AFG2A: variants seen among roughly 807,000 people sequenced by gnomAD.
The protein encoded by AFG2A is ATPase family gene 2 protein homolog A.
At chr4:123,187,046 G>T in the AFG2A span, among the ~76,000 whole-genome samples, 2 of 152,116 alleles carry the variant, frequency 1.3e-5, no homozygotes, top group South Asian at 2.1e-4. Flanking sequence ...AAAGGGAAAG[G>T]CTTGGGAAAA....
At chr4:123,042,555 A>AG in the AFG2A span, among the ~76,000 whole-genome samples, 2 of 152,192 alleles carry the variant, frequency 1.3e-5, no homozygotes, top group African/African-American at 4.8e-5. Context: ...CGTTTTCATC[A>AG]GGCATGTTTC....
the AFG2A span, among the ~76,000 whole-genome samples, chr4:123,273,259 GTATAA>G: frequency 6.6e-6 from 1 of 152,020 alleles, no homozygotes; most frequent in African/African-American, 2.4e-5. Flanking sequence ...ATTATGCGTA[GTATAA>G]TATATAGAAA....
the AFG2A span, among the ~76,000 whole-genome samples, chr4:123,264,785 C>G: frequency 6.6e-6 from 1 of 152,070 alleles, no homozygotes; most frequent in Admixed American, 6.6e-5. Flanking sequence ...ATTTGTAGAA[C>G]TCACTTTCAT....
the AFG2A span, among the ~76,000 whole-genome samples, chr4:123,077,046 G>GT: frequency 3.1e-3 from 339 of 108,536 alleles, 3 homozygotes; most frequent in African/African-American, 5.7e-3. Flanking sequence ...TCCTGTTGTT[G>GT]TTTTTTTTTT....
the AFG2A span, among the ~76,000 whole-genome samples, chr4:122,981,335 C>T: frequency 2.9e-5 from 4 of 137,466 alleles, no homozygotes; most frequent in African/African-American, 5.2e-5. Context: ...ACTGTACATG[C>T]GTGGATTTAT....
the AFG2A span, among the ~76,000 whole-genome samples, chr4:123,160,980 G>T: frequency 6.6e-6 from 1 of 152,206 alleles, no homozygotes; most frequent in South Asian, 2.1e-4. Flanking sequence ...ATTTCTTATT[G>T]TACTATACTC....
At chr4:123,145,072 T>A in the AFG2A span, among the ~76,000 whole-genome samples, 3 of 152,112 alleles carry the variant, frequency 2.0e-5, no homozygotes, top group East Asian at 5.8e-4. Context: ...AATTGGAAGC[T>A]TCTAAAAGGC....
the AFG2A span, among the ~76,000 whole-genome samples, chr4:123,244,912 CA>C: frequency 6.6e-6 from 1 of 152,064 alleles, no homozygotes; most frequent in Non-Finnish European, 1.5e-5. Flanking sequence ...TATGGTTCAG[CA>C]GGGGCATTAG....
chr4:123,059,777 A>C, the AFG2A span, among the ~76,000 whole-genome samples: 2 of 151,854 alleles, frequency 1.3e-5, no homozygotes, highest in East Asian at 1.9e-4. Flanking sequence ...CCAACAGTGT[A>C]AAAGTGTTCC....
the AFG2A span, among the ~76,000 whole-genome samples, chr4:123,167,125 ATAAT>A: frequency 3.3e-5 from 5 of 150,836 alleles, no homozygotes; most frequent in East Asian, 9.7e-4. Context: ...AATAAGATGA[ATAAT>A]TAATATAACT....
chr4:123,199,082 G>A, the AFG2A span, among the ~76,000 whole-genome samples: 1 of 152,138 alleles, frequency 6.6e-6, no homozygotes, highest in Admixed American at 6.5e-5. Flanking sequence ...CTAAGTCCAA[G>A]TGTACAGAAT....
At chr4:123,013,970 A>G in the AFG2A span, among the ~76,000 whole-genome samples, 1 of 152,242 alleles carries the variant, frequency 6.6e-6, no homozygotes, top group African/African-American at 2.4e-5. Flanking sequence ...CATTTTTACT[A>G]TTAAAAATGA....
chr4:123,014,965 G>C, the AFG2A span, among the ~76,000 whole-genome samples: 1 of 152,056 alleles, frequency 6.6e-6, no homozygotes, highest in Admixed American at 6.5e-5. Context: ...GAAATTGTTA[G>C]ATGTTTTCAA....
chr4:122,936,241 A>T, the AFG2A span: 1 of 906,832 alleles, frequency 1.1e-6, no homozygotes, highest in Non-Finnish European at 1.6e-6. Flanking sequence ...TACAAAGCAT[A>T]AACAGTAGTA....
chr4:123,079,830 ACCT>A, the AFG2A span, among the ~76,000 whole-genome samples: 1 of 141,746 alleles, frequency 7.1e-6, no homozygotes, highest in African/African-American at 2.7e-5. Flanking sequence ...GCTCACTGCA[ACCT>A]CCGCTTCCTG....
the AFG2A span, among the ~76,000 whole-genome samples, chr4:122,926,601 T>G: frequency 1.1e-4 from 17 of 152,364 alleles, no homozygotes; most frequent in Middle Eastern, 3.4e-3. Flanking sequence ...GGTTTTCCTT[T>G]CCTTGATTTA....
At chr4:123,025,064 GAC>G in the AFG2A span, among the ~76,000 whole-genome samples, 1 of 152,198 alleles carries the variant, frequency 6.6e-6, no homozygotes, top group African/African-American at 2.4e-5. Flanking sequence ...GACAACCAGA[GAC>G]AACAGCAATT....
chr4:123,087,862 T>C, the AFG2A span, among the ~76,000 whole-genome samples: 1 of 152,214 alleles, frequency 6.6e-6, no homozygotes, highest in Non-Finnish European at 1.5e-5. Flanking sequence ...TTCAGTTTGT[T>C]CAGCTTTTTA....
At chr4:123,118,339 T>TATAATATA in the AFG2A span, among the ~76,000 whole-genome samples, 3 of 94,862 alleles carry the variant, frequency 3.2e-5, no homozygotes, top group South Asian at 4.4e-4. Context: ...AATATATATA[T>TATAATATA]TATATTATAT....
Sources: gnomAD v4.1 joint callset for allele counts (sites outside exome capture counted in the v4.1 genomes callset) on GRCh38, gnomAD v4.1.1 for gene constraint, MANE v1.5 for transcripts, NCBI Gene and HGNC (gene_info 2026-07-23, HGNC 2026-07-21) for gene names.